Variants in ATRNL1 observed in about 807,000 individuals in gnomAD.
The protein encoded by ATRNL1 is attractin-like protein 1.
ATRNL1 carries 95 observed loss-of-function variants against 182.7 expected under a neutral mutation model. The ratio of observed to expected loss-of-function variants is 0.52; its 90% CI spans 0.44 to 0.62. The LOEUF (loss-of-function observed/expected upper bound fraction) is 0.62, where lower values mean the gene tolerates loss of function less well. Among genes scored for constraint, ATRNL1 ranks in the 20% least tolerant of loss-of-function variants. The probability of loss-of-function intolerance (pLI) is 0.00; values close to 1 mark genes in which losing one functional copy is unlikely to be tolerated. For missense variants in ATRNL1, 1,471 were observed against 1,679.5 expected (o/e 0.88, Z 2.17); for synonymous variants, 576 against 568.3 (o/e 1.01, Z -0.19).
At chr10:115,183,419 GATTA>G (rs1554888156) in intron 8 of ATRNL1, among the ~76,000 whole-genome samples, 1 of 151,182 alleles carries the variant, frequency 6.6e-6, no homozygotes. Context: ...CAGAAAAACA[GATTA>G]ATTTTTTTGA....
chr10:115,121,202 T>G (rs943830686), intron 2 of ATRNL1, among the ~76,000 whole-genome samples: 11 of 152,046 alleles, frequency 7.2e-5, no homozygotes, highest in Non-Finnish European at 1.6e-4. Context: ...AGCCTCTGCC[T>G]CCTGAGTTCA....
At chr10:115,811,723 A>G (rs1310656524) in intron 27 of ATRNL1, among the ~76,000 whole-genome samples, 2 of 152,028 alleles carry the variant, frequency 1.3e-5, no homozygotes, top group African/African-American at 2.4e-5. Flanking sequence ...CTTTATTATT[A>G]TATAATGTTA....
chr10:115,687,300 A>C (rs1195919212), intron 26 of ATRNL1, among the ~76,000 whole-genome samples: 1 of 151,954 alleles, frequency 6.6e-6, no homozygotes. Context: ...GAAAATCACC[A>C]TTCTACTCTC....
At chr10:115,445,346 G>T (rs1252662134) in intron 21 of ATRNL1, among the ~76,000 whole-genome samples, 1 of 139,772 alleles carries the variant, frequency 7.2e-6, no homozygotes, top group Non-Finnish European at 1.5e-5. Context: ...CACAAGAATT[G>T]CTTGAACCTG....
intron 28 of ATRNL1, among the ~76,000 whole-genome samples, chr10:115,865,418 T>C (rs1951417821): frequency 6.6e-6 from 1 of 152,220 alleles, no homozygotes; most frequent in Non-Finnish European, 1.5e-5. Flanking sequence ...GTTGGTCATA[T>C]TCCAAAGTTC....
At chr10:115,713,449 G>GTGTGTGTGTGTGTGTGTT (rs782222232) in intron 26 of ATRNL1, among the ~76,000 whole-genome samples, 59,054 of 137,330 alleles carry the variant, frequency 0.43, 13,008 homozygotes, top group South Asian at 0.56. Flanking sequence ...GTGGCTGTGT[G>GTGTGTGTGTGTGTGTGTT]TGTGTGTGTG....
chr10:115,797,891 G>A (rs1454771971), intron 27 of ATRNL1, among the ~76,000 whole-genome samples: 10 of 152,168 alleles, frequency 6.6e-5, no homozygotes, highest in Admixed American at 5.9e-4. Flanking sequence ...AAATACTTCA[G>A]TGAGACAGTC....
At position 115,843,380 on chromosome 10, in the gene ATRNL1, G is replaced by A. The variant is rs561646246; in HGVS notation, c.3904-4497G>A. ...GTGGGAAATAGACATTTACCCAGCTGTTATTCAAAGTAGAAAATAAAGAGG... is the reference window on the plus strand; with the variant it reads ...GTGGGAAATAGACATTTACCCAGCTATTATTCAAAGTAGAAAATAAAGAGG... On this transcript the variant is annotated intron_variant, in intron 27 of 28. Coordinates refer to ENST00000355044, the MANE Select transcript of ATRNL1 (RefSeq NM_207303.4). Among the ~76,000 whole-genome samples the A allele has an allele frequency of 2.0e-5, 3 of 152,152 alleles. No individual in the cohort carries two copies. In the South Asian group the frequency reaches 6.2e-4, roughly 32 times the overall value.
rs576932086 is a variant in ATRNL1 at position 115,765,783 on chromosome 10, G to A, written c.3903+38428G>A. Among the ~76,000 whole-genome samples, 9 of 152,132 alleles carry A rather than the reference G, an allele frequency of 5.9e-5. No individual in the cohort carries two copies. The South Asian group carries it at 1.2e-3, about 21-fold the overall frequency. On this transcript the variant is annotated intron_variant, in intron 27 of 28. Coordinates refer to ENST00000355044, the MANE Select transcript of ATRNL1 (RefSeq NM_207303.4). ...TGTATCATTTTGCATTTTACATTTAGGTCTACAATTCATTTTGAGTTAATT... is the reference window on the plus strand; with the variant it reads ...TGTATCATTTTGCATTTTACATTTAAGTCTACAATTCATTTTGAGTTAATT...
intron 19 of ATRNL1, among the ~76,000 whole-genome samples, chr10:115,360,269 T>G (rs1856679141): frequency 6.6e-6 from 1 of 151,856 alleles, no homozygotes; most frequent in Non-Finnish European, 1.5e-5. Context: ...CATTTTATTG[T>G]CTATTTCTAA....
intron 25 of ATRNL1, among the ~76,000 whole-genome samples, chr10:115,536,379 A>G (rs564759871): frequency 8.5e-5 from 13 of 152,238 alleles, no homozygotes; most frequent in South Asian, 2.1e-4. Flanking sequence ...TGTGCTAGCA[A>G]TCAGTGAGAC....
At chr10:115,173,318 GT>G (rs1336335230) in intron 8 of ATRNL1, among the ~76,000 whole-genome samples, 1 of 151,656 alleles carries the variant, frequency 6.6e-6, no homozygotes, top group Non-Finnish European at 1.5e-5. Flanking sequence ...TTAATTTTTG[GT>G]TTTATTATAG....
chr10:115,341,985 A>C (rs1350490460), intron 19 of ATRNL1, among the ~76,000 whole-genome samples: 4 of 152,026 alleles, frequency 2.6e-5, no homozygotes, highest in African/African-American at 9.7e-5. Flanking sequence ...CTCTTGATTG[A>C]AGAGTTTAGT....
chr10:115,302,482 T>G (rs1028042375), intron 17 of ATRNL1, among the ~76,000 whole-genome samples: 3 of 152,216 alleles, frequency 2.0e-5, no homozygotes, highest in African/African-American at 7.2e-5. Flanking sequence ...TTTGTCTAAT[T>G]TTTCCCTCAT....
intron 9 of ATRNL1, among the ~76,000 whole-genome samples, chr10:115,226,563 GAA>G (rs11376641): frequency 1.7e-4 from 25 of 145,648 alleles, no homozygotes; most frequent in African/African-American, 5.0e-4. Flanking sequence ...CCCAGAATTA[GAA>G]AAAAAAAAAC....
In ATRNL1 at chr10:115,485,775, G is replaced by A. The variant is rs529441399; in HGVS notation, c.3654+16446G>A. Among the ~76,000 whole-genome samples, 13 of 151,858 alleles carry A rather than the reference G, an allele frequency of 8.6e-5. No homozygotes were observed. In the East Asian group the frequency reaches 2.5e-3, roughly 29 times the overall value. ...TTTTTTTATTATACTTTAATTTCTG[G>A]GGTACATGTGCAGAATGTGCAGGTT... On this transcript the variant is annotated intron_variant, in intron 24 of 28. Coordinates refer to ENST00000355044, the MANE Select transcript of ATRNL1 (RefSeq NM_207303.4).
intron 28 of ATRNL1, among the ~76,000 whole-genome samples, chr10:115,878,500 A>G (rs1951748174): frequency 6.6e-6 from 1 of 152,236 alleles, no homozygotes; most frequent in Non-Finnish European, 1.5e-5. Flanking sequence ...AGAATACCAG[A>G]TAATTGACAT....
intron 18 of ATRNL1, among the ~76,000 whole-genome samples, chr10:115,319,642 C>T (rs112091154): frequency 1.4e-5 from 2 of 148,004 alleles, no homozygotes; most frequent in African/African-American, 2.5e-5. Context: ...TATGTAATGC[C>T]TTTTTTTTTG....
At chr10:115,252,317 G>A (rs562952073) in intron 10 of ATRNL1, among the ~76,000 whole-genome samples, 33 of 152,194 alleles carry the variant, frequency 2.2e-4, no homozygotes, top group African/African-American at 7.5e-4. Flanking sequence ...GTGAGCCACC[G>A]TGACCAGCGA....
Sources: allele counts gnomAD v4.1 joint callset (sites outside exome capture counted in the v4.1 genomes callset), GRCh38; gene constraint gnomAD v4.1.1; transcripts MANE v1.5; gene names NCBI Gene and HGNC (gene_info 2026-07-23, HGNC 2026-07-21).